The following SLCO3A1 variants were observed in gnomAD, a reference collection of about 807,000 sequenced individuals.
SLCO3A1 encodes PGE1 transporter.
SLCO3A1 carries 27 observed loss-of-function variants against 63.1 expected under a neutral mutation model. The observed-to-expected ratio is 0.43, with a 90% CI of 0.32 to 0.59. SLCO3A1 has a LOEUF of 0.59. Ranked by LOEUF, SLCO3A1 falls within the 20% of genes least tolerant of loss-of-function variation. The pLI is 0.09. For missense variants in SLCO3A1, 773 were observed against 945.8 expected, an observed-to-expected ratio of 0.82 and a Z score of 2.40; for synonymous variants, 473 against 409.9, an observed-to-expected ratio of 1.15 and a Z score of -1.86.
At chr15:92,048,696 C>T (rs112600814) in intron 2 of SLCO3A1, among the ~76,000 whole-genome samples, 1,731 of 152,208 alleles carry the variant, frequency 0.011, 28 homozygotes, top group African/African-American at 0.04. Context: ...GTCAGGAGTT[C>T]GAGACCAGCC....
In SLCO3A1 at chr15:92,005,800, C is replaced by A. The variant is rs530791043; in HGVS notation, c.647-89081C>A. 6.6e-5 allele frequency among the ~76,000 whole-genome samples: 10 copies of A among 152,252 alleles called. No individual in the cohort carries two copies. In the East Asian group the frequency reaches 1.6e-3, roughly 24 times the overall value. ...ATTCCCTTGTGGCCCAGTCACCTTC[C>A]CTTTTGTAGGGATGGCCTGTCTATG... On this transcript the variant is annotated intron_variant, in intron 2 of 9. Coordinates refer to ENST00000318445, the MANE Select transcript of SLCO3A1 (RefSeq NM_013272.4).
At chr15:92,030,015 G>A (rs1268336974) in intron 2 of SLCO3A1, among the ~76,000 whole-genome samples, 3 of 152,218 alleles carry the variant, frequency 2.0e-5, no homozygotes, top group South Asian at 4.1e-4. Flanking sequence ...AAATGTCCTC[G>A]GCTACATTTT....
chr15:91,934,539 G>A (rs781649990), intron 2 of SLCO3A1, among the ~76,000 whole-genome samples: 12 of 152,202 alleles, frequency 7.9e-5, no homozygotes, highest in Non-Finnish European at 1.3e-4. Context: ...AGTATTCCCT[G>A]ATGCATTTAC....
intron 9 of SLCO3A1, chr15:92,157,159 C>T (rs1219223735): frequency 6.6e-6 from 1 of 152,208 alleles, no homozygotes; most frequent in Non-Finnish European, 1.5e-5. Flanking sequence ...ACATACCTTC[C>T]TCAGCACAGG....
rs540149510 is a variant in SLCO3A1 at position 92,113,014 on chromosome 15, G to A, written c.1010-7451G>A. 5.9e-4 allele frequency among the ~76,000 whole-genome samples: 90 copies of A among 152,286 alleles called. 1 individual carries two copies. The highest frequency in any genetic ancestry group is 2.1e-3 in the African/African-American group (88 of 41,568). On this transcript the variant is annotated intron_variant, in intron 4 of 9. Transcript: ENST00000318445. ...CCACTCTCCCAAAGAAGGTTCTTAG[G>A]GGCTGGCCTGGAGTAGTGAAAGCAG...
chr15:92,139,571 C>T (rs1481183941), intron 7 of SLCO3A1, among the ~76,000 whole-genome samples: 2 of 152,008 alleles, frequency 1.3e-5, no homozygotes, highest in Middle Eastern at 3.4e-3. Flanking sequence ...CTCCTTGTAC[C>T]TCTGGTAGAA....
At chr15:92,067,504 C>T (rs1445820470) in intron 2 of SLCO3A1, among the ~76,000 whole-genome samples, 1 of 152,220 alleles carries the variant, frequency 6.6e-6, no homozygotes, top group Non-Finnish European at 1.5e-5. Context: ...TTCCTCCTAA[C>T]ACAAATGCAC....
At chr15:91,976,818 A>G (rs1408738995) in intron 2 of SLCO3A1, among the ~76,000 whole-genome samples, 4 of 152,140 alleles carry the variant, frequency 2.6e-5, no homozygotes, top group Non-Finnish European at 5.9e-5. Flanking sequence ...GAGTGTGCAA[A>G]TAGGTGTGGG....
Position 91,883,234 on chromosome 15 carries a change from G to A in SLCO3A1, c.180+29146G>A, listed in dbSNP as rs1335557380. 6.6e-6 allele frequency among the ~76,000 whole-genome samples: 1 copy of A among 152,178 alleles called. No individual in the cohort carries two copies. Among genetic ancestry groups the A allele is most frequent in the African/African-American group, 2.4e-5 (1 of 41,442 alleles). On this transcript the variant is annotated intron_variant, in intron 1 of 9. Coordinates refer to ENST00000318445, the MANE Select transcript of SLCO3A1 (RefSeq NM_013272.4). This position sits in a 1 kb window ranked among gnomAD's most constrained non-coding sequence, Gnocchi z 4.8. ...GTGGTCTGGGTTTCACTTACATCAG[G>A]TGCCCAGGAGTCTTCCTGTGTGAAG...
At chr15:92,017,129 A>G (rs560721249) in intron 2 of SLCO3A1, among the ~76,000 whole-genome samples, 4 of 152,340 alleles carry the variant, frequency 2.6e-5, no homozygotes, top group African/African-American at 7.2e-5. Flanking sequence ...CAAAGGAGAA[A>G]GAGCCCAAAG....
chr15:91,999,721 T>C (rs2046231103), intron 2 of SLCO3A1, among the ~76,000 whole-genome samples: 4 of 152,066 alleles, frequency 2.6e-5, no homozygotes, highest in Non-Finnish European at 5.9e-5. Context: ...GAGCCCAGAG[T>C]TGAAGGCTGC....
At chr15:92,070,880 A>G (rs545185668) in intron 2 of SLCO3A1, among the ~76,000 whole-genome samples, 2 of 152,322 alleles carry the variant, frequency 1.3e-5, no homozygotes, top group African/African-American at 4.8e-5. Flanking sequence ...ATACTGAACT[A>G]TATACTTAAA....
chr15:91,888,130 C>T (rs746364065), intron 1 of SLCO3A1, among the ~76,000 whole-genome samples: 5 of 152,094 alleles, frequency 3.3e-5, no homozygotes, highest in Non-Finnish European at 7.3e-5. Context: ...CATTATTAAC[C>T]GATTTTGGAA....
intron 8 of SLCO3A1, chr15:92,149,346 A>G (rs2048273855): frequency 6.6e-6 from 1 of 152,228 alleles, no homozygotes; most frequent in Admixed American, 6.5e-5. Context: ...TCCAAGACAC[A>G]GTTTTATTCC....
rs570435694 is a variant in SLCO3A1, at chr15:92,019,797, G to A, written c.647-75084G>A. ...GATATGTACAGAGCCCAGCAGCCTT[G>A]CCACTTGTGGGGTGGCTCCTTTCTA... On this transcript the variant is annotated intron_variant, in intron 2 of 9. Coordinates refer to ENST00000318445, the MANE Select transcript of SLCO3A1 (RefSeq NM_013272.4). 3.3e-5 allele frequency among the ~76,000 whole-genome samples: 5 copies of A among 152,334 alleles called. 1 individual carries two copies. In the South Asian group the frequency reaches 1.0e-3, roughly 32 times the overall value.
chr15:92,126,321 G>A, intron 6 of SLCO3A1, 62 bp downstream of exon 6: 2 of 1,420,460 alleles, frequency 1.4e-6, no homozygotes, highest in Non-Finnish European at 2.0e-6. Context: ...ATCTCCCTCT[G>A]CAGTAGGTTG....
intron 2 of SLCO3A1, among the ~76,000 whole-genome samples, chr15:92,024,760 C>T (rs1206840491): frequency 6.6e-6 from 1 of 152,136 alleles, no homozygotes; most frequent in Admixed American, 6.5e-5. Flanking sequence ...CAAAAGTAGG[C>T]CACGGAAAAC....
chr15:92,142,174 T>A (rs747589466), intron 7 of SLCO3A1, among the ~76,000 whole-genome samples: 11 of 152,248 alleles, frequency 7.2e-5, no homozygotes, highest in Admixed American at 1.3e-4. Context: ...ACATTTTCAT[T>A]GGTCTTGTGC....
At chr15:91,917,977 T>C (rs538423640) in intron 2 of SLCO3A1, among the ~76,000 whole-genome samples, 12 of 152,214 alleles carry the variant, frequency 7.9e-5, no homozygotes, top group Non-Finnish European at 1.6e-4. Context: ...TGAATTGTTG[T>C]CTCTGCTGAT....
Sources: gnomAD v4.1 joint callset for allele counts (sites outside exome capture counted in the v4.1 genomes callset) on GRCh38, gnomAD v4.1.1 for gene constraint, Gnocchi (gnomAD v3.1) non-coding constraint, MANE v1.5 for transcripts, NCBI Gene and HGNC (gene_info 2026-07-23, HGNC 2026-07-21) for gene names.